Variants in RNLS observed in about 807,000 individuals in gnomAD.
RNLS encodes the protein renalase, FAD dependent amine oxidase, also known as renalase.
A neutral mutation model predicts 39.8 loss-of-function variants in RNLS; 39 were observed. The observed-to-expected ratio is 0.98, with a 90% CI of 0.76 to 1.28. The LOEUF is 1.28. RNLS is among the 50% of genes most tolerant of loss of function. The pLI is 0.00. For synonymous variants in RNLS, 147 were observed against 150.7 expected, an observed-to-expected ratio of 0.98 and a Z score of 0.18; for missense variants, 410 against 413.3, an observed-to-expected ratio of 0.99 and a Z score of 0.07.
At chr10:88,505,365 G>A (rs1415712652) in intron 4 of RNLS, among the ~76,000 whole-genome samples, 1 of 150,270 alleles carries the variant, frequency 6.7e-6, no homozygotes, top group African/African-American at 2.4e-5. Flanking sequence ...AAAGGTAGAG[G>A]AAGAGAGAGA....
At chr10:88,341,477 A>G (rs951166317) in intron 5 of RNLS, among the ~76,000 whole-genome samples, 3 of 152,182 alleles carry the variant, frequency 2.0e-5, no homozygotes, top group Admixed American at 2.0e-4. Context: ...AGACATAAGT[A>G]CTTTCAGAGG....
the RNLS span, among the ~76,000 whole-genome samples, chr10:88,198,406 A>G: frequency 6.6e-6 from 1 of 152,228 alleles, no homozygotes; most frequent in East Asian, 1.9e-4. Context: ...AGAAACCTAA[A>G]ACAATACATT....
chr10:88,450,738 G>A (rs1842314788), intron 4 of RNLS, among the ~76,000 whole-genome samples: 1 of 152,222 alleles, frequency 6.6e-6, no homozygotes, highest in Non-Finnish European at 1.5e-5. Flanking sequence ...CCCTGGAAAT[G>A]ACTTGTTTAC....
intron 4 of RNLS, among the ~76,000 whole-genome samples, chr10:88,518,822 G>A (rs1452970233): frequency 6.6e-6 from 1 of 151,936 alleles, no homozygotes; most frequent in African/African-American, 2.4e-5. Context: ...TAGAGAGAAA[G>A]TATCACAGCC....
In RNLS at chr10:88,568,929, AATTGTCCATGC is replaced by A. The variant is rs534556211; in HGVS notation, c.526+3963_526+3973del. On this transcript the variant is annotated intron_variant, in intron 4 of 6. Transcript: ENST00000331772. The stretch of plus-strand genomic sequence containing the variant: ...CACCTAGAAACTTGTAAAAAATGCA[AATTGTCCATGC>A]ATACCTCGATACAACCAGAAACTCA... 3.0e-3 allele frequency among the ~76,000 whole-genome samples: 451 copies of A among 152,334 alleles called. 8 individuals are homozygous for A. The South Asian group carries it at 0.031, about 11-fold the overall frequency.
At chr10:88,250,491 G>A in the RNLS span, among the ~76,000 whole-genome samples, 3 of 152,160 alleles carry the variant, frequency 2.0e-5, no homozygotes, top group African/African-American at 7.2e-5. Flanking sequence ...AGGGTGTGAG[G>A]TGGACTGTGG....
chr10:88,349,794 A>G (rs1848552151), intron 5 of RNLS, among the ~76,000 whole-genome samples: 1 of 151,950 alleles, frequency 6.6e-6, no homozygotes, highest in Non-Finnish European at 1.5e-5. Context: ...AGACCACCCC[A>G]AGATCTGATA....
At chr10:88,203,346 G>GTATA in the RNLS span, among the ~76,000 whole-genome samples, 28 of 14,594 alleles carry the variant, frequency 1.9e-3, 9 homozygotes, top group South Asian at 8.2e-3. Context: ...ACACGTATGT[G>GTATA]TATATATATA....
intron 5 of RNLS, among the ~76,000 whole-genome samples, chr10:88,330,867 C>T (rs1309920650): frequency 6.6e-6 from 1 of 151,798 alleles, no homozygotes; most frequent in Non-Finnish European, 1.5e-5. Context: ...TATTTAAATA[C>T]ATTATAAAGC....
intron 4 of RNLS, among the ~76,000 whole-genome samples, chr10:88,572,675 A>C (rs1849907856): frequency 6.6e-6 from 1 of 152,250 alleles, no homozygotes; most frequent in South Asian, 2.1e-4. Flanking sequence ...TGTTGAAGAC[A>C]TGGGCAATAA....
chr10:88,440,346 A>G (rs1841642639), intron 4 of RNLS, among the ~76,000 whole-genome samples: 1 of 152,248 alleles, frequency 6.6e-6, no homozygotes. Context: ...AAAGCACTAG[A>G]GTAGTCACTG....
At chr10:88,298,228 A>G (rs779311916) in intron 6 of RNLS, among the ~76,000 whole-genome samples, 2 of 151,500 alleles carry the variant, frequency 1.3e-5, no homozygotes, top group Non-Finnish European at 2.9e-5. Flanking sequence ...TACATTCTAG[A>G]TAGTAGATTC....
the RNLS span, among the ~76,000 whole-genome samples, chr10:88,242,690 C>T: frequency 6.6e-6 from 1 of 152,114 alleles, no homozygotes; most frequent in Non-Finnish European, 1.5e-5. Flanking sequence ...GTGGCTTATG[C>T]CTGTAATCTC....
chr10:88,380,419 A>T lies in RNLS; in HGVS notation c.527-17694T>A, dbSNP rs182750570. On this transcript the variant is annotated intron_variant, in intron 4 of 6. Coordinates refer to ENST00000331772, the MANE Select transcript of RNLS (RefSeq NM_001031709.3). ...ACGACGGAGTCTCTCTCTGTCACCC[A>T]GGCTGGAGTGCAGTGGCGTGATCTC... Among the ~76,000 whole-genome samples the T allele has an allele frequency of 4.2e-3, 503 of 121,164 alleles. 2 individuals carry two copies. The highest frequency in any genetic ancestry group is 0.015 in the African/African-American group (479 of 30,998). 79.5% of individuals were successfully genotyped at this position (121,164 alleles called of 152,430 possible).
intron 4 of RNLS, among the ~76,000 whole-genome samples, chr10:88,544,518 C>T (rs2134300227): frequency 6.6e-6 from 1 of 152,284 alleles, no homozygotes; most frequent in South Asian, 2.1e-4. Context: ...TAGAGAAAAA[C>T]TTAATAAAGT....
At chr10:88,547,287 CAT>C (rs546626979) in intron 4 of RNLS, among the ~76,000 whole-genome samples, 190 of 152,294 alleles carry the variant, frequency 1.2e-3, no homozygotes, top group African/African-American at 4.0e-3. Flanking sequence ...AAAGTGGAAA[CAT>C]GTGTGCAAGT....
chr10:88,568,277 G>C (rs1383703234), intron 4 of RNLS, among the ~76,000 whole-genome samples: 1 of 152,068 alleles, frequency 6.6e-6, no homozygotes, highest in East Asian at 1.9e-4. Flanking sequence ...GGGACAGATA[G>C]TAGATTAATG....
the RNLS span, among the ~76,000 whole-genome samples, chr10:88,263,856 G>A: frequency 6.6e-6 from 1 of 152,116 alleles, no homozygotes; most frequent in Non-Finnish European, 1.5e-5. Flanking sequence ...TTGGGAAACA[G>A]GTGGTGTTTT....
rs570685172 is a variant in RNLS, at chr10:88,404,779, C to T, written c.527-42054G>A. Among the ~76,000 whole-genome samples the T allele has an allele frequency of 3.9e-5, 6 of 152,100 alleles. No individual in the cohort carries two copies. In the East Asian group the frequency reaches 7.7e-4, roughly 20 times the overall value. On this transcript the variant is annotated intron_variant, in intron 4 of 6. Transcript: ENST00000331772. ...ACTCAGCACTTCCCAAATTCTACCT[C>T]GTTTATTCTTAGGTATTAAGTGAAA... is the stretch of plus-strand genomic sequence containing the variant.
Sources: allele counts gnomAD v4.1 joint callset (sites outside exome capture counted in the v4.1 genomes callset), GRCh38; gene constraint gnomAD v4.1.1; transcripts MANE v1.5; gene names NCBI Gene and HGNC (gene_info 2026-07-23, HGNC 2026-07-21).